The following BCOR variants were observed in gnomAD, a reference collection of about 807,000 sequenced individuals.
BCOR encodes the protein BCL6 corepressor.
Under a neutral mutation model 86.7 loss-of-function variants are expected in BCOR, and 10 were observed. That is an observed-to-expected ratio of 0.12 (90% CI 0.07 to 0.20). The LOEUF is 0.20. BCOR is among the 10% of genes least tolerant of loss of function. The pLI is 1.00. For missense variants in BCOR, 1,259 were observed against 1,452.1 expected (o/e 0.87, Z 2.16); for synonymous variants, 611 against 609.0 (o/e 1.00, Z -0.05).
chrX:40,062,032 T>G, intron 10 of BCOR, 107 bp downstream of exon 10: 1 of 998,074 alleles, frequency 1.0e-6, no homozygotes, highest in Non-Finnish European at 1.4e-6. Flanking sequence ...CCAGCCCCGA[T>G]GTGGAGGGGG....
intron 1 of BCOR, among the ~76,000 whole-genome samples, chrX:40,174,660 T>A (rs920527723): frequency 8.9e-6 from 1 of 112,321 alleles, no homozygotes; most frequent in African/African-American, 3.2e-5. Context: ...TAATAGAAAC[T>A]ACAACTAAAA....
chrX:40,080,477 C>T (rs1166664592), intron 1 of BCOR, among the ~76,000 whole-genome samples: 1 of 111,098 alleles, frequency 9.0e-6, no homozygotes, highest in East Asian at 2.8e-4. Flanking sequence ...TCTTACCCAC[C>T]TCCCTTAAGT....
At position 40,074,306 on chromosome X, in the gene BCOR, G is replaced by A. The variant is rs1477574479; in HGVS notation, c.1040C>T (p.Thr347Ile). ...CGAGTAGGTGTCTGCAGCAGGCTGG[G>A]TGGGAAGGTGGACTCGGGGTGACGG... Reference protein sequence around the residue: ...PRPSPRVHLPTQPAADTYSEF... With the variant: ...PRPSPRVHLPIQPAADTYSEF... Residue 347 changes from threonine (T) to isoleucine (I), a missense_variant, in exon 4 of 15, where the codon ACC becomes ATC. By Grantham distance (89) the Thr-to-Ile change is moderately conservative. Transcript: ENST00000378444. 2 of 1,212,281 alleles carry A rather than the reference G, an allele frequency of 1.6e-6. No individual in the cohort carries two copies. Among genetic ancestry groups the A allele is most frequent in the East Asian group, 3.0e-5 (1 of 33,847 alleles).
intron 1 of BCOR, among the ~76,000 whole-genome samples, chrX:40,161,639 G>A (rs750643685): frequency 4.5e-4 from 47 of 104,572 alleles, no homozygotes; most frequent in African/African-American, 1.5e-3. Context: ...CCAGCCTCCC[G>A]GGTAGCTGGG....
At chrX:40,113,543 C>G (rs1219766422) in intron 1 of BCOR, among the ~76,000 whole-genome samples, 1 of 111,719 alleles carries the variant, frequency 9.0e-6, no homozygotes, top group Non-Finnish European at 1.9e-5. Flanking sequence ...ACCACACAGG[C>G]CTGCTATCAG....
At position 40,074,569 on chromosome X, in the gene BCOR, C is replaced by T. The variant is rs576246224; in HGVS notation, c.777G>A (p.Ser259=). 3.3e-5 allele frequency: 40 copies of T among 1,210,079 alleles called. No individual in the cohort carries two copies. The highest frequency in any genetic ancestry group is 4.4e-5 in the Admixed American group (2 of 45,889). ...AGAGCCTCATGGGTGATGCCAAGGACGATGGGATGTGGGGACCGACGTAGT... is the reference window on the plus strand; with the variant it reads ...AGAGCCTCATGGGTGATGCCAAGGATGATGGGATGTGGGGACCGACGTAGT... ...PPHYVGPHIP[S]SLASPMRLST... The change falls in exon 4 of 15, where the codon TCG becomes TCA. Residue 259 remains serine (S), a synonymous_variant. Transcript: ENST00000378444.
rs760763409 is a variant in BCOR, at chrX:40,066,867, G to A, written c.3239-2268C>T. 2.7e-3 allele frequency among the ~76,000 whole-genome samples: 295 copies of A among 107,357 alleles called. 1 individual carries two copies. Among genetic ancestry groups the A allele is most frequent in the African/African-American group, 9.9e-3 (289 of 29,307 alleles). The allele number at this position is 107,357 out of a possible 115,157, so 93.2% of individuals were successfully genotyped here. On this transcript the variant is annotated intron_variant, in intron 6 of 14. Transcript: ENST00000378444. ...TCAAAATGAGGCAGCAGCTTAGCCAGTGTGGGGCCCCACCCAGAACGAACT... is the reference window on the plus strand; with the variant it reads ...TCAAAATGAGGCAGCAGCTTAGCCAATGTGGGGCCCCACCCAGAACGAACT...
At chrX:40,158,342 C>G (rs1243953059) in intron 1 of BCOR, among the ~76,000 whole-genome samples, 1 of 112,002 alleles carries the variant, frequency 8.9e-6, no homozygotes, top group Non-Finnish European at 1.9e-5. Context: ...CATCTTGGCC[C>G]GGCTGCGCAG....
chrX:40,124,769 AATTTTTTGGT>A (rs1475019156), intron 1 of BCOR, among the ~76,000 whole-genome samples: 1 of 109,254 alleles, frequency 9.2e-6, no homozygotes, highest in Non-Finnish European at 1.9e-5. Flanking sequence ...CCACCTGGCT[AATTTTTTGGT>A]ATTTTTTGTA....
chrX:40,101,289 C>A (rs1360302161), upstream of BCOR, among the ~76,000 whole-genome samples: 2 of 111,597 alleles, frequency 1.8e-5, no homozygotes, highest in Non-Finnish European at 3.8e-5. Flanking sequence ...ACAAGCCCTT[C>A]GGGAGCTGAC....
chrX:40,148,662 C>A (rs1481127033), intron 1 of BCOR, among the ~76,000 whole-genome samples: 1 of 111,272 alleles, frequency 9.0e-6, no homozygotes, highest in Non-Finnish European at 1.9e-5. Flanking sequence ...AGCCTGCCTA[C>A]GTGGGGCCTG....
At chrX:40,152,814 AAC>A (rs904801652) in intron 1 of BCOR, among the ~76,000 whole-genome samples, 2 of 112,693 alleles carry the variant, frequency 1.8e-5, no homozygotes, top group African/African-American at 6.4e-5. Flanking sequence ...CCCCCGGGGA[AAC>A]ACAAAACTTC....
intron 1 of BCOR, among the ~76,000 whole-genome samples, chrX:40,078,947 C>T (rs1935947560): frequency 9.0e-6 from 1 of 110,796 alleles, no homozygotes; most frequent in East Asian, 2.8e-4. Context: ...GATTTATCCT[C>T]GTGCAGGATT....
chrX:40,118,832 C>G (rs1243734147), intron 1 of BCOR, among the ~76,000 whole-genome samples: 2 of 111,741 alleles, frequency 1.8e-5, no homozygotes, highest in Non-Finnish European at 3.8e-5. Flanking sequence ...GCTTGGGAGA[C>G]TCTGTTTTTG....
At chrX:40,157,292 G>GA (rs2066768719) in intron 1 of BCOR, among the ~76,000 whole-genome samples, 1 of 111,931 alleles carries the variant, frequency 8.9e-6, no homozygotes, top group African/African-American at 3.3e-5. Context: ...GCCCGCTGTG[G>GA]GGAAGGTCAG....
At chrX:40,174,025 G>A (rs1051125761) in intron 1 of BCOR, among the ~76,000 whole-genome samples, 1 of 113,093 alleles carries the variant, frequency 8.8e-6, no homozygotes, top group Admixed American at 9.2e-5. Context: ...TGGCAAAAAG[G>A]GGAGGAGTTG....
At chrX:40,059,876 G>T (rs879231444) in intron 10 of BCOR, among the ~76,000 whole-genome samples, 1 of 112,433 alleles carries the variant, frequency 8.9e-6, no homozygotes, top group African/African-American at 3.2e-5. Context: ...ACACACATGC[G>T]GTTCCACATT....
chrX:40,091,664 G>A (rs1042336274), intron 1 of BCOR, among the ~76,000 whole-genome samples: 7 of 113,586 alleles, frequency 6.2e-5, no homozygotes, highest in Non-Finnish European at 1.1e-4. Flanking sequence ...CAGGGCTGGA[G>A]ACCAGTGGAC....
At chrX:40,071,254 A>G (rs1935466177) in intron 5 of BCOR, 95 bp from the exon 6 acceptor site, 3 of 940,505 alleles carry the variant, frequency 3.2e-6, no homozygotes, top group Non-Finnish European at 4.4e-6. Context: ...ATTTTCAAAG[A>G]AAAGTGCCCA....
Sources: allele counts gnomAD v4.1 joint callset (sites outside exome capture counted in the v4.1 genomes callset), GRCh38; gene constraint gnomAD v4.1.1; transcripts MANE v1.5; gene names NCBI Gene and HGNC (gene_info 2026-07-23, HGNC 2026-07-21).